Variants in SYNE2 observed in about 807,000 individuals in gnomAD.
SYNE2 encodes spectrin repeat containing nuclear envelope protein 2.
Under a neutral mutation model 856.3 loss-of-function variants are expected in SYNE2, and 431 were observed. The ratio of observed to expected loss-of-function variants is 0.50; its 90% CI spans 0.47 to 0.55. The LOEUF is 0.55. SYNE2 is among the 20% of genes least tolerant of loss of function. The pLI, the probability that SYNE2 is intolerant of heterozygous loss-of-function variation, is 0.00. For missense variants in SYNE2, 8,129 were observed against 8,023.2 expected, an observed-to-expected ratio of 1.01 and a Z score of -0.50; for synonymous variants, 2,923 against 2,872.3, an observed-to-expected ratio of 1.02 and a Z score of -0.56.
chr14:64,152,525 A>G (rs751344979), intron 84 of SYNE2, 39 bp from the exon 85 acceptor site: 3 of 1,609,564 alleles, frequency 1.9e-6, no homozygotes, highest in Admixed American at 3.3e-5. Flanking sequence ...TTGTTTTGTA[A>G]TATTGTGCAT....
At chr14:64,035,868 A>AT (rs547061262) in intron 45 of SYNE2, among the ~76,000 whole-genome samples, 7,389 of 130,168 alleles carry the variant, frequency 0.057, 549 homozygotes, top group African/African-American at 0.18. Context: ...TAATTTTTGT[A>AT]TTTTTTTTTT....
Position 63,909,200 on chromosome 14 carries a change from A to G in SYNE2, c.52A>G (p.Ile18Val). The change falls in exon 2 of 116, where the codon ATC becomes GTC. Residue 18 changes from isoleucine (I) to valine (V), a missense_variant. Around this residue, in one of 3 missense-constraint regions of SYNE2, gnomAD observed 2,422 missense variants for 2,357.4 expected, o/e 1.03. Coordinates refer to ENST00000555002, the MANE Select transcript of SYNE2 (RefSeq NM_182914.3). Reference sequence around the variant, plus strand: ...CGAAGATGAACAGGGTTCCTGGGGCATCGACGATCTCCATATTTCATTGCA... The same window carrying G: ...CGAAGATGAACAGGGTTCCTGGGGCGTCGACGATCTCCATATTTCATTGCA... Reference protein sequence around the residue: ...PTEDEQGSWGIDDLHISLQAE... With the variant: ...PTEDEQGSWGVDDLHISLQAE... 3.1e-6 allele frequency: 5 copies of G among 1,613,310 alleles called. No homozygotes were observed. The highest frequency in any genetic ancestry group is 4.2e-6 in the Non-Finnish European group (5 of 1,179,606).
intron 99 of SYNE2, among the ~76,000 whole-genome samples, chr14:64,199,713 C>CAAAAAAAA (rs34710996): frequency 6.1e-5 from 4 of 66,054 alleles, no homozygotes; most frequent in Admixed American, 3.5e-4. Flanking sequence ...GACTCTGTCT[C>CAAAAAAAA]AAAAAAAAAA....
Position 63,825,766 on chromosome 14 carries a change from T to G in SYNE2, c.-304-26735T>G, listed in dbSNP as rs533111194. Among the ~76,000 whole-genome samples, 7 of 152,046 alleles carry G rather than the reference T, an allele frequency of 4.6e-5. No individual in the cohort carries two copies. The South Asian group carries it at 1.5e-3, about 32-fold the overall frequency. ...GGCGGGCGCCTGTAATCCCAGCTACTCGGGAGCCTGAGGCAGGGAGAATTG... is the reference window on the plus strand; with the variant it reads ...GGCGGGCGCCTGTAATCCCAGCTACGCGGGAGCCTGAGGCAGGGAGAATTG... On this transcript the variant is annotated intron_variant, in intron 1 of 23. Coordinates refer to the SYNE2 transcript ENST00000674003.
chr14:63,762,195 G>A (rs1252991330), intron 1 of SYNE2: 3 of 237,240 alleles, frequency 1.3e-5, no homozygotes, highest in African/African-American at 6.9e-5. Flanking sequence ...ACTTTTGGGA[G>A]ACCGAGGCAG....
intron 12 of SYNE2, among the ~76,000 whole-genome samples, chr14:63,977,525 C>A (rs771203512): frequency 1.6e-4 from 24 of 152,120 alleles, no homozygotes; most frequent in Non-Finnish European, 3.1e-4. Flanking sequence ...AATATTTATT[C>A]ACAAAATCTT....
chr14:63,812,702 G>A (rs1381069500), intron 1 of SYNE2, among the ~76,000 whole-genome samples: 1 of 152,074 alleles, frequency 6.6e-6, no homozygotes, highest in Non-Finnish European at 1.5e-5. Context: ...CACAATTTAT[G>A]TTCCTCTGCT....
chr14:64,185,519 C>CTT (rs66490444), intron 96 of SYNE2, among the ~76,000 whole-genome samples: 20 of 77,464 alleles, frequency 2.6e-4, no homozygotes, highest in Admixed American at 8.4e-4. Flanking sequence ...TTTTCTTTTT[C>CTT]TTTTTTTTTT....
In SYNE2 at chr14:64,006,571, G is replaced by A. The variant is rs183932385; in HGVS notation, c.4398-472G>A. On this transcript the variant is annotated intron_variant, in intron 30 of 115. Transcript: ENST00000555002. ...CAGCCAGGCACGGTAGCTCACACCT[G>A]TAATCCCAGCACTTTGGGAAGCTGA... Among the ~76,000 whole-genome samples, 289 of 152,240 alleles carry A rather than the reference G, an allele frequency of 1.9e-3. 1 individual carries two copies. Among genetic ancestry groups the A allele is most frequent in the Non-Finnish European group, 3.4e-3 (231 of 68,016 alleles).
At chr14:64,161,882 A>G (rs902303968) in intron 87 of SYNE2, among the ~76,000 whole-genome samples, 190 bp from the exon 88 acceptor site, 2 of 152,230 alleles carry the variant, frequency 1.3e-5, no homozygotes, top group Non-Finnish European at 2.9e-5. Flanking sequence ...AGTCAAGTAA[A>G]TAGCCTAATT....
At chr14:63,996,645 T>G (rs1342303597) in intron 23 of SYNE2, among the ~76,000 whole-genome samples, 1 of 152,166 alleles carries the variant, frequency 6.6e-6, no homozygotes, top group Non-Finnish European at 1.5e-5. Flanking sequence ...TTCTTCCACA[T>G]ATAGCTCAGA....
At chr14:64,000,054 A>G (rs2096742043) in intron 27 of SYNE2, among the ~76,000 whole-genome samples, 1 of 152,214 alleles carries the variant, frequency 6.6e-6, no homozygotes, top group Non-Finnish European at 1.5e-5. Context: ...TGTCAGTAGT[A>G]TTGTATAGCA....
intron 1 of SYNE2, among the ~76,000 whole-genome samples, chr14:63,790,177 T>C (rs1887682301): frequency 6.6e-6 from 1 of 151,658 alleles, no homozygotes; most frequent in Non-Finnish European, 1.5e-5. Flanking sequence ...TACAAAAAAA[T>C]ACAAAACAGC....
chr14:64,106,541 C>T (rs1595562822), intron 64 of SYNE2, among the ~76,000 whole-genome samples: 1 of 151,982 alleles, frequency 6.6e-6, no homozygotes, highest in Non-Finnish European at 1.5e-5. Flanking sequence ...CCCAGCTACT[C>T]GGGAGGCTGA....
chr14:64,109,943 C>G (rs1045118304), intron 65 of SYNE2, among the ~76,000 whole-genome samples: 1 of 152,140 alleles, frequency 6.6e-6, no homozygotes, highest in African/African-American at 2.4e-5. Context: ...TCATTCTTGA[C>G]CCGTATTACA....
intron 1 of SYNE2, among the ~76,000 whole-genome samples, chr14:63,771,066 C>CT (rs770101693): frequency 0.027 from 3,147 of 116,272 alleles, 130 homozygotes; most frequent in African/African-American, 0.051. Flanking sequence ...CTTATACACT[C>CT]TTTTTTTTTT....
At chr14:64,051,281 G>T (rs1487036075) in intron 47 of SYNE2, among the ~76,000 whole-genome samples, 2 of 147,462 alleles carry the variant, frequency 1.4e-5, no homozygotes, top group Non-Finnish European at 3.0e-5. Flanking sequence ...TTTTCCTGTG[G>T]TTATTCATTT....
At chr14:64,065,719 C>A in intron 51 of SYNE2, 69 bp downstream of exon 51, 6 of 1,547,042 alleles carry the variant, frequency 3.9e-6, no homozygotes, top group Non-Finnish European at 4.4e-6. Context: ...ATTACTTTCA[C>A]CTTGTTTTTC....
At chr14:64,132,221 T>C (rs1318704095) in intron 76 of SYNE2, 44 bp from the exon 77 acceptor site, 20 of 1,607,396 alleles carry the variant, frequency 1.2e-5, no homozygotes, top group Middle Eastern at 4.5e-4. Context: ...TTTAAGAGTT[T>C]TCACAATTTC....
Sources: gnomAD v4.1 joint callset for allele counts (sites outside exome capture counted in the v4.1 genomes callset) on GRCh38, gnomAD v4.1.1 for gene constraint, gnomAD v4.1.1 regional missense constraint, MANE v1.5 for transcripts, NCBI Gene and HGNC (gene_info 2026-07-23, HGNC 2026-07-21) for gene names.